Variants in GPR78 observed in about 807,000 individuals in gnomAD.
GPR78 encodes the protein G protein-coupled receptor 78.
GPR78 carries 29 observed loss-of-function variants against 17.9 expected under a neutral mutation model. That is an observed-to-expected ratio of 1.62 (90% CI 1.20 to 2.21). GPR78 has a LOEUF of 2.21. Among genes scored for constraint, GPR78 ranks in the 30% most tolerant of loss-of-function variants. The pLI is 0.00. For missense variants in GPR78, 649 were observed against 530.5 expected, an observed-to-expected ratio of 1.22 and a Z score of -2.19; for synonymous variants, 349 against 256.9, an observed-to-expected ratio of 1.36 and a Z score of -3.43.
chr4:8,582,827 T>G, intron 2 of GPR78, 183 bp downstream of exon 2: 1 of 588,630 alleles, frequency 1.7e-6, no homozygotes, highest in East Asian at 2.8e-5. Context: ...GGGAGGGAGG[T>G]GGCACTGGCT....
Position 8,587,179 on chromosome 4 carries a change from A to G in GPR78, c.908A>G (p.Gln303Arg). Reference protein sequence around the residue: ...TYSLLRRPFRQVLAGMVHRLL... With the variant: ...TYSLLRRPFRRVLAGMVHRLL... ...TCTCTGCTCCGCCGGCCGTTCCGCC[A>G]AGTCCTGGCCGGCATGGTGCACCGG... Residue 303 changes from glutamine to arginine, a missense_variant, in exon 3 of 3, where the codon CAA becomes CGA. By Grantham distance (43) the Gln-to-Arg change is conservative. Transcript: ENST00000382487. The G allele has an allele frequency of 6.2e-7, 1 of 1,613,022 alleles. No homozygotes were observed. The highest frequency in any genetic ancestry group is 8.5e-7 in the Non-Finnish European group (1 of 1,179,722).
intron 1 of GPR78, among the ~76,000 whole-genome samples, chr4:8,581,869 G>T (rs1395098034): frequency 6.6e-6 from 1 of 152,174 alleles, no homozygotes; most frequent in Non-Finnish European, 1.5e-5. Flanking sequence ...CAGTGCACAG[G>T]GAGCTTTGCG....
rs1047777248 is a variant in GPR78, at chr4:8,581,785, G to A, written c.668+135G>A. The A allele has an allele frequency of 1.4e-5, 9 of 643,844 alleles. No homozygotes were observed. In the East Asian group the frequency reaches 2.2e-4, roughly 16 times the overall value. The allele number at this position is 643,844 out of a possible 1,614,324, so 39.9% of individuals were successfully genotyped here. On this transcript the variant is annotated intron_variant, in intron 1 of 2. Coordinates refer to ENST00000382487, the MANE Select transcript of GPR78 (RefSeq NM_080819.5). ...ACCAGCCACAGCACTGCCCCTGCAC[G>A]CTGCTCACAGGGGTTTCCTGTTGGT...
intron 2 of GPR78, among the ~76,000 whole-genome samples, chr4:8,584,483 C>G (rs1382231630): frequency 1.3e-5 from 2 of 149,640 alleles, no homozygotes; most frequent in African/African-American, 5.0e-5. Context: ...TCTTCATGCA[C>G]TCACTAAGCA....
chr4:8,584,586 G>C (rs562782881), intron 2 of GPR78, among the ~76,000 whole-genome samples: 4 of 152,262 alleles, frequency 2.6e-5, no homozygotes, highest in Non-Finnish European at 5.9e-5. Flanking sequence ...CTGATGGTGG[G>C]AGATGCAGGT....
intron 2 of GPR78, 74 bp downstream of exon 2, chr4:8,582,718 G>A (rs988143588): frequency 7.0e-6 from 7 of 1,000,878 alleles, no homozygotes; most frequent in South Asian, 1.3e-5. Flanking sequence ...AGGCCTCTGA[G>A]GTTTCCCAGC....
Position 8,587,181 on chromosome 4 carries a change from G to C in GPR78, c.910G>C (p.Val304Leu). 6.2e-7 allele frequency: 1 copy of C among 1,613,468 alleles called. No homozygotes were observed. Among genetic ancestry groups the C allele is most frequent in the Non-Finnish European group, 8.5e-7 (1 of 1,180,036 alleles). ...YSLLRRPFRQ[V>L]LAGMVHRLLK... The stretch of plus-strand genomic sequence containing the variant: ...TCTGCTCCGCCGGCCGTTCCGCCAA[G>C]TCCTGGCCGGCATGGTGCACCGGCT... Residue 304 changes from valine to leucine, a missense_variant, in exon 3 of 3, where the codon GTC becomes CTC. Coordinates refer to ENST00000382487, the MANE Select transcript of GPR78 (RefSeq NM_080819.5).
At chr4:8,585,635 G>GGTA (rs1713474751) in intron 2 of GPR78, among the ~76,000 whole-genome samples, 1 of 152,176 alleles carries the variant, frequency 6.6e-6, no homozygotes. Flanking sequence ...CACAGCCTGG[G>GGTA]GTAGGTGGTT....
rs761863563 is a variant in GPR78 at position 8,581,509 on chromosome 4, T to C, written c.527T>C (p.Leu176Pro). The C allele has an allele frequency of 6.3e-7, 1 of 1,592,038 alleles. No homozygotes were observed. Among genetic ancestry groups the C allele is most frequent in the East Asian group, 2.2e-5 (1 of 44,588 alleles). Residue 176 changes from leucine to proline, a missense_variant, in exon 1 of 3, where the codon CTC becomes CCC. Physicochemically the swap from Leu to Pro is moderately conservative, Grantham distance 98. Coordinates refer to ENST00000382487, the MANE Select transcript of GPR78 (RefSeq NM_080819.5). ...CGCTTCGCAGCCTTCACCGCCACGCTCCATGCCGTGGGCTTCGTGCTGCCG... is the reference window on the plus strand; with the variant it reads ...CGCTTCGCAGCCTTCACCGCCACGCCCCATGCCGTGGGCTTCGTGCTGCCG... ...RPRFAAFTAT[L>P]HAVGFVLPLA...
intron 2 of GPR78, among the ~76,000 whole-genome samples, chr4:8,585,418 C>T (rs746543188): frequency 6.6e-6 from 1 of 152,280 alleles, no homozygotes; most frequent in East Asian, 1.9e-4. Flanking sequence ...AGCCCAGTCC[C>T]CTAGTGGCTG....
rs1200126303 is a variant in GPR78, at chr4:8,587,367, C to T, written c.*4C>T. On this transcript the variant is annotated 3_prime_UTR_variant, in exon 3 of 3. Coordinates refer to ENST00000382487, the MANE Select transcript of GPR78 (RefSeq NM_080819.5). ...CTGCCTGCAGCAGACACACTGAGGGCCTGGCAGGGCTCATCGCCCCCACCT... is the reference window on the plus strand; with the variant it reads ...CTGCCTGCAGCAGACACACTGAGGGTCTGGCAGGGCTCATCGCCCCCACCT... 2.5e-6 allele frequency: 4 copies of T among 1,608,602 alleles called. No individual in the cohort carries two copies. Among genetic ancestry groups the T allele is most frequent in the Non-Finnish European group, 3.4e-6 (4 of 1,176,910 alleles).
rs1182821550 is a variant in GPR78 at position 8,589,508 on chromosome 4, G to A, written c.*2145G>A. 6.6e-6 allele frequency among the ~76,000 whole-genome samples: 1 copy of A among 152,192 alleles called. No individual in the cohort carries two copies. The highest frequency in any genetic ancestry group is 1.5e-5 in the Non-Finnish European group (1 of 68,026). ...CCTGTGCTTATAAGGGAGGGCACGT[G>A]CACAGCAGAAGCAGGTTGTTCCCCA... is the stretch of plus-strand genomic sequence containing the variant. On this transcript the variant is annotated 3_prime_UTR_variant, in exon 3 of 3. Transcript: ENST00000382487.
Position 8,587,271 on chromosome 4 carries a change from C to G in GPR78, c.1000C>G (p.His334Asp). The G allele has an allele frequency of 2.5e-6, 4 of 1,597,904 alleles. No homozygotes were observed. The highest frequency in any genetic ancestry group is 3.4e-6 in the Non-Finnish European group (4 of 1,169,180). ...CTCTCTGGATGTGGCCGGCATGGTG[C>G]ACCAGCTGCTGAAGAGAACCCCGCG... ...DSSLDVAGMVHQLLKRTPRPA... is the reference protein window; with the variant it reads ...DSSLDVAGMVDQLLKRTPRPA... The change falls in exon 3 of 3, where the codon CAC (histidine) becomes GAC (aspartate). Residue 334 changes from histidine (H) to aspartate (D), a missense_variant. His to Asp is a moderately conservative substitution (Grantham distance 81). Transcript: ENST00000382487.
At position 8,587,981 on chromosome 4, in the gene GPR78, C is replaced by T. The variant is rs1051287872; in HGVS notation, c.*618C>T. Among the ~76,000 whole-genome samples, 4 of 152,322 alleles carry T rather than the reference C, an allele frequency of 2.6e-5. No homozygotes were observed. The East Asian group carries it at 7.7e-4, about 29-fold the overall frequency. ...AGCCTAGGGGTCCCCAGCTCCAGGCCTGTCCGCTGTGACTGCCTGTGTGGG... is the reference window on the plus strand; with the variant it reads ...AGCCTAGGGGTCCCCAGCTCCAGGCTTGTCCGCTGTGACTGCCTGTGTGGG... On this transcript the variant is annotated 3_prime_UTR_variant, in exon 3 of 3. Transcript: ENST00000382487.
rs1041610354 is a variant in GPR78 at position 8,582,620 on chromosome 4, G to A, written c.758G>A (p.Cys253Tyr). Residue 253 changes from cysteine (C) to tyrosine (Y), a missense_variant, in exon 2 of 3, where the codon TGC becomes TAC. Coordinates refer to ENST00000382487, the MANE Select transcript of GPR78 (RefSeq NM_080819.5). ...ATTGCTATTGCGACCTTCCTCATCT[G>A]CTTTGCCCCGTATGTCATGACCAGG... is the stretch of plus-strand genomic sequence containing the variant. ...IGIAIATFLI[C>Y]FAPYVMTRLA... 1.2e-6 allele frequency: 2 copies of A among 1,612,838 alleles called. No homozygotes were observed. Among genetic ancestry groups the A allele is most frequent in the Middle Eastern group, 1.7e-4 (1 of 6,058 alleles).
In GPR78 at chr4:8,586,844, G is replaced by A. The variant is rs145986179; in HGVS notation, c.783-210G>A. Reference sequence around the variant, plus strand: ...GCTGTGTGGTATGCGGGCTGATGTCGGCTTGCACCGCAGTCCCAGGACTGG... The same window carrying A: ...GCTGTGTGGTATGCGGGCTGATGTCAGCTTGCACCGCAGTCCCAGGACTGG... On this transcript the variant is annotated intron_variant, in intron 2 of 2. Transcript: ENST00000382487. 5.8e-3 allele frequency among the ~76,000 whole-genome samples: 880 copies of A among 152,296 alleles called. 8 individuals carry two copies. The highest frequency in any genetic ancestry group is 6.9e-3 in the Non-Finnish European group (468 of 68,030).
chr4:8,582,504 C>A (rs375928457), intron 1 of GPR78, 27 bp from the exon 2 acceptor site: 3 of 1,529,378 alleles, frequency 2.0e-6, no homozygotes, highest in Non-Finnish European at 2.7e-6. Context: ...CTGCCATCAT[C>A]CTGACCACTG....
chr4:8,583,522 G>A (rs183511066), intron 2 of GPR78, among the ~76,000 whole-genome samples: 1 of 152,170 alleles, frequency 6.6e-6, no homozygotes, highest in East Asian at 1.9e-4. Flanking sequence ...TCCTCAAGGG[G>A]CCCAGGTCCC....
At chr4:8,581,884 G>C (rs1214292744) in intron 1 of GPR78, among the ~76,000 whole-genome samples, 1 of 152,216 alleles carries the variant, frequency 6.6e-6, no homozygotes, top group Non-Finnish European at 1.5e-5. Context: ...TTTGCGCAGA[G>C]CTGTGGGGTG....
Sources: gnomAD v4.1 joint callset for allele counts (sites outside exome capture counted in the v4.1 genomes callset) on GRCh38, gnomAD v4.1.1 for gene constraint, MANE v1.5 for transcripts, NCBI Gene and HGNC (gene_info 2026-07-23, HGNC 2026-07-21) for gene names.